SLC17A7: variants seen among roughly 807,000 people sequenced by gnomAD.
The protein encoded by SLC17A7 is solute carrier family 17 member 7.
A neutral mutation model predicts 59.1 loss-of-function variants in SLC17A7; 15 were observed. The observed-to-expected ratio is 0.25, with a 90% confidence interval of 0.17 to 0.39. The LOEUF is 0.39. Among genes scored for constraint, SLC17A7 ranks in the 10% least tolerant of loss-of-function variants. The pLI is 1.00. For missense variants in SLC17A7, 499 were observed against 765.1 expected, an observed-to-expected ratio of 0.65 and a Z score of 4.10; for synonymous variants, 353 against 308.9, an observed-to-expected ratio of 1.14 and a Z score of -1.50.
At position 49,435,242 on chromosome 19, in the gene SLC17A7, G is replaced by T; in HGVS notation, c.360C>A (p.His120Gln). 6.2e-7 allele frequency: 1 copy of T among 1,614,110 alleles called. No individual in the cohort carries two copies. The highest frequency in any genetic ancestry group is 8.5e-7 in the Non-Finnish European group (1 of 1,180,016). Residue 120 changes from histidine (H) to glutamine (Q), a missense_variant, in exon 3 of 12, where the codon CAC becomes CAA. Physicochemically the swap from His to Gln is conservative, Grantham distance 24. Coordinates refer to ENST00000221485, the MANE Select transcript of SLC17A7 (RefSeq NM_020309.4). ...CAATGTAGCCCCAGAAAAAGGAGCC[G>T]TGTATGAGGCCGACAGTCTCTGGAT... ...SWDPETVGLI[H>Q]GSFFWGYIVT...
chr19:49,430,566 T>C lies in SLC17A7; in HGVS notation c.1636A>G (p.Ser546Gly). 6.2e-7 allele frequency: 1 copy of C among 1,600,014 alleles called. No homozygotes were observed. Among genetic ancestry groups the C allele is most frequent in the Non-Finnish European group, 8.5e-7 (1 of 1,172,516 alleles). The stretch of plus-strand genomic sequence containing the variant: ...GGGGGCCTGGGGGGCTGAAATGTGC[T>C]GTGTGTGGCCCCATAGGAGGGCGGG... ...APPPSYGATH[S>G]TFQPPRPPPP... The change falls in exon 12 of 12, where the codon AGC becomes GGC. Residue 546 changes from serine (S) to glycine (G), a missense_variant. Coordinates refer to ENST00000221485, the MANE Select transcript of SLC17A7 (RefSeq NM_020309.4).
chr19:49,439,833 C>T (rs1261677996), intron 1 of SLC17A7, among the ~76,000 whole-genome samples: 1 of 152,128 alleles, frequency 6.6e-6, no homozygotes, highest in Non-Finnish European at 1.5e-5. Flanking sequence ...GTGAGAAACC[C>T]TAGCACAGAT....
At position 49,433,967 on chromosome 19, in the gene SLC17A7, G is replaced by A. The variant is rs533858610; in HGVS notation, c.717C>T (p.Tyr239=). The part of the protein sequence containing the change: ...VQYSGWSSVF[Y]VYGSFGIFWY... ...GGCATCCGGGTCCCTCACCGTAGAC[G>A]TAGAAAACAGAGCTCCATCCTGAGT... The change falls in exon 6 of 12, where the codon TAC becomes TAT. Residue 239 remains tyrosine, a synonymous_variant. Coordinates refer to ENST00000221485, the MANE Select transcript of SLC17A7 (RefSeq NM_020309.4). This position sits in a 1 kb window ranked among gnomAD's most constrained non-coding sequence, Gnocchi z 5.7. The A allele has an allele frequency of 8.7e-6, 14 of 1,613,572 alleles. No homozygotes were observed. The Admixed American group carries it at 1.3e-4, about 15-fold the overall frequency.
chr19:49,441,388 C>T lies in SLC17A7; in HGVS notation c.-9G>A. 1 of 1,546,386 alleles carries T rather than the reference C, an allele frequency of 6.5e-7. No homozygotes were observed. The highest frequency in any genetic ancestry group is 1.2e-5 in the South Asian group (1 of 84,466). ...TCCTGGCGGAACTCCATGGTGGCGG[C>T]TCCTGCCGCCGGTCACCCCGCGGGT... On this transcript the variant is annotated 5_prime_UTR_variant, in exon 1 of 12. Transcript: ENST00000221485.
intron 9 of SLC17A7, among the ~76,000 whole-genome samples, chr19:49,432,298 G>T (rs2946850): frequency 0.051 from 7,834 of 152,194 alleles, 687 homozygotes; most frequent in African/African-American, 0.18. Flanking sequence ...CGCCCACCCT[G>T]CCCTTCCGCG....
chr19:49,437,011 G>GC, intron 1 of SLC17A7: 1 of 662,810 alleles, frequency 1.5e-6, no homozygotes, highest in Non-Finnish European at 2.5e-6. Flanking sequence ...CAGGCCCCCA[G>GC]CCCCCTCCTT....
intron 1 of SLC17A7, among the ~76,000 whole-genome samples, chr19:49,439,135 C>T (rs577060457): frequency 3.3e-5 from 5 of 152,176 alleles, no homozygotes; most frequent in African/African-American, 1.2e-4. Flanking sequence ...ACTTAGGAGG[C>T]CATTACCCCA....
chr19:49,432,445 T>G, intron 9 of SLC17A7, 74 bp downstream of exon 9: 6 of 1,532,232 alleles, frequency 3.9e-6, no homozygotes, highest in Non-Finnish European at 5.3e-6. Context: ...CTGTAACCAC[T>G]CCCCATCACC....
Position 49,434,046 on chromosome 19 carries a change from C to A in SLC17A7, c.638G>T (p.Gly213Val). 1 of 1,609,726 alleles carries A rather than the reference C, an allele frequency of 6.2e-7. No individual in the cohort carries two copies. The highest frequency in any genetic ancestry group is 8.5e-7 in the Non-Finnish European group (1 of 1,176,448). ...RSRLATTAFC[G>V]SYAGAVVAMP... ...CGCGACCACCGCCCCAGCATAGGAACCTAAGGGGGAGGATGCGGGGGAGAG... is the reference window on the plus strand; with the variant it reads ...CGCGACCACCGCCCCAGCATAGGAAACTAAGGGGGAGGATGCGGGGGAGAG... Residue 213 changes from glycine to valine, a missense_variant and splice_region_variant, in exon 6 of 12, where the codon GGT (glycine) becomes GTT (valine). Transcript: ENST00000221485.
rs1177969753 is a variant in SLC17A7, at chr19:49,436,530, G to C, written c.315+19C>G. On this transcript the variant is annotated intron_variant, in intron 2 of 11. Transcript: ENST00000221485. The surrounding 1 kb of genome is among the most constrained non-coding windows in gnomAD (Gnocchi z 4.1). ...GGTGAGCGGGGCGGGGCTCTGCAAGGGCTCAGGCCTTGAGCTACCTGCACC... is the reference window on the plus strand; with the variant it reads ...GGTGAGCGGGGCGGGGCTCTGCAAGCGCTCAGGCCTTGAGCTACCTGCACC... 6.2e-7 allele frequency: 1 copy of C among 1,609,096 alleles called. No homozygotes were observed. The highest frequency in any genetic ancestry group is 2.2e-5 in the East Asian group (1 of 44,850).
chr19:49,435,469 C>A, intron 2 of SLC17A7, 183 bp from the exon 3 acceptor site: 1 of 574,164 alleles, frequency 1.7e-6, no homozygotes, highest in South Asian at 2.1e-5. Context: ...CTCCGCTCTT[C>A]CACGTTGCTA....
rs1398043635 is a variant in SLC17A7 at position 49,436,782 on chromosome 19, C to T, written c.82G>A (p.Glu28Lys). Residue 28 changes from glutamate to lysine, a missense_variant, in exon 2 of 12, where the codon GAA becomes AAA. By Grantham distance (56) the Glu-to-Lys change is moderately conservative (BLOSUM62 1). Around this residue, in one of 3 missense-constraint regions of SLC17A7, gnomAD observed 78 missense variants for 80.4 expected, o/e 0.97. Transcript: ENST00000221485. The surrounding 1 kb of genome is among the most constrained non-coding windows in gnomAD (Gnocchi z 4.1). ...CTCAGCTCCAGCGTCTCCGCGCCTT[C>T]CTGCCGCTTCTCCAGAAGGCTGCGG... is the stretch of plus-strand genomic sequence containing the variant. ...KLHRLLEKRQ[E>K]GAETLELSAD... 2 of 1,603,282 alleles carry T rather than the reference C, an allele frequency of 1.2e-6. No individual in the cohort carries two copies. Among genetic ancestry groups the T allele is most frequent in the Non-Finnish European group, 1.7e-6 (2 of 1,179,740 alleles).
In SLC17A7 at chr19:49,433,592, G is replaced by A. The variant is rs531635260; in HGVS notation, c.867+134C>T. Reference sequence around the variant, plus strand: ...TCCGCGGGTTGCAACCCGCCTCCTAGGTTCTAGCCCCTCTCTTTGCGTTCC... The same window carrying A: ...TCCGCGGGTTGCAACCCGCCTCCTAAGTTCTAGCCCCTCTCTTTGCGTTCC... On this transcript the variant is annotated intron_variant, in intron 7 of 11. Transcript: ENST00000221485. This position sits in a 1 kb window ranked among gnomAD's most constrained non-coding sequence, Gnocchi z 5.7. 2.2e-6 allele frequency: 3 copies of A among 1,337,782 alleles called. No homozygotes were observed. Among genetic ancestry groups the A allele is most frequent in the South Asian group, 2.5e-5 (2 of 80,566 alleles). The allele number at this position is 1,337,782 out of a possible 1,614,324, so 82.9% of individuals were successfully genotyped here. A position where few individuals can be genotyped will look rare whatever the true frequency, so the allele number is the denominator to read the frequency against.
intron 5 of SLC17A7, 43 bp from the exon 6 acceptor site, chr19:49,434,089 T>A: frequency 7.5e-7 from 1 of 1,340,952 alleles, no homozygotes. Flanking sequence ...CCATCTTCCC[T>A]CAGATCAAGG....
chr19:49,434,005 C>A lies in SLC17A7; in HGVS notation c.679G>T (p.Val227Phe), dbSNP rs748216851. 1.9e-5 allele frequency: 31 copies of A among 1,613,428 alleles called. No homozygotes were observed. Among genetic ancestry groups the A allele is most frequent in the Non-Finnish European group, 2.5e-5 (29 of 1,179,932 alleles). ...CTCCATCCTGAGTACTGCACAAGGA[C>A]CCCGGCGAGGGGCATCGCGACCACC... Reference protein sequence around the residue: ...GAVVAMPLAGVLVQYSGWSSV... With the variant: ...GAVVAMPLAGFLVQYSGWSSV... The change falls in exon 6 of 12, where the codon GTC (valine) becomes TTC (phenylalanine). Residue 227 changes from valine to phenylalanine, a missense_variant. Val to Phe is a conservative substitution (Grantham distance 50). Around this residue, in one of 3 missense-constraint regions of SLC17A7, gnomAD observed 323 missense variants for 607.2 expected, o/e 0.53. Transcript: ENST00000221485.
chr19:49,437,961 G>A (rs928656464), intron 1 of SLC17A7: 2 of 151,190 alleles, frequency 1.3e-5, no homozygotes, highest in South Asian at 2.1e-4. Flanking sequence ...GAGATACAGC[G>A]GGACAGAGAC....
rs2078961737 is a variant in SLC17A7, at chr19:49,431,805, AT to A, written c.1151-358del. On this transcript the variant is annotated intron_variant, in intron 9 of 11. Transcript: ENST00000221485. This position sits in a 1 kb window ranked among gnomAD's most constrained non-coding sequence, Gnocchi z 4.6. ...TGGTTTTTTTTTTTTTTAATTTTTG[AT>A]TTTTTATTTTTTTTAAGAGACAAAG... 6.8e-6 allele frequency among the ~76,000 whole-genome samples: 1 copy of A among 146,166 alleles called. No individual in the cohort carries two copies. Among genetic ancestry groups the A allele is most frequent in the Non-Finnish European group, 1.5e-5 (1 of 66,588 alleles).
In SLC17A7 at chr19:49,430,894, G is replaced by C. The variant is rs2078956778; in HGVS notation, c.1390-82C>G. 1.5e-5 allele frequency: 23 copies of C among 1,555,122 alleles called. No individual in the cohort carries two copies. In the South Asian group the frequency reaches 2.8e-4, roughly 19 times the overall value. ...AGAGGGGGAGGCCTAGAGGAAGGGA[G>C]GCAGAGACCCAGGGAGGCTGAAAAG... On this transcript the variant is annotated intron_variant, in intron 11 of 11. Transcript: ENST00000221485.
chr19:49,439,161 A>G (rs2078990606), intron 1 of SLC17A7, among the ~76,000 whole-genome samples: 2 of 151,990 alleles, frequency 1.3e-5, no homozygotes, highest in Admixed American at 1.3e-4. Context: ...AGATGTCTCA[A>G]CTTCTCTGTC....
Sources: allele counts gnomAD v4.1 joint callset (sites outside exome capture counted in the v4.1 genomes callset), GRCh38; gene constraint gnomAD v4.1.1; regional missense constraint gnomAD v4.1.1; non-coding constraint Gnocchi (gnomAD v3.1); transcripts MANE v1.5; gene names NCBI Gene and HGNC (gene_info 2026-07-23, HGNC 2026-07-21).